Variants in OR2L13 observed in about 807,000 individuals in gnomAD.
The protein encoded by OR2L13 is olfactory receptor family 2 subfamily L member 13, also known as olfactory receptor 2L13.
A neutral mutation model predicts 15.3 loss-of-function variants in OR2L13; 14 were observed. The observed-to-expected ratio is 0.91, with a 90% CI of 0.60 to 1.43. The LOEUF (loss-of-function observed/expected upper bound fraction) is 1.43, where lower values mean the gene tolerates loss of function less well. Among genes scored for constraint, OR2L13 ranks in the 40% most tolerant of loss-of-function variants. The probability of loss-of-function intolerance (pLI) is 0.00; values close to 1 mark genes in which losing one functional copy is unlikely to be tolerated. For missense variants in OR2L13, 367 were observed against 387.9 expected, an observed-to-expected ratio of 0.95 and a Z score of 0.45; for synonymous variants, 152 against 142.9, an observed-to-expected ratio of 1.06 and a Z score of -0.45.
chr1:247,975,207 G>A, the OR2L13 span: 2 of 398,124 alleles, frequency 5.0e-6, no homozygotes, highest in South Asian at 4.2e-5. Context: ...CGACACTTGT[G>A]CTCACATTTC....
the OR2L13 span, among the ~76,000 whole-genome samples, chr1:248,025,289 G>A: frequency 6.8e-6 from 1 of 147,154 alleles, no homozygotes; most frequent in Non-Finnish European, 1.5e-5. Flanking sequence ...GTGGGTGAAG[G>A]ACATGAACAG....
At chr1:248,043,186 G>T in the OR2L13 span, among the ~76,000 whole-genome samples, 1 of 152,048 alleles carries the variant, frequency 6.6e-6, no homozygotes, top group Non-Finnish European at 1.5e-5. Context: ...GTTAAAATCT[G>T]GGATCCAAAA....
chr1:247,979,596 A>G, the OR2L13 span, among the ~76,000 whole-genome samples: 4 of 152,028 alleles, frequency 2.6e-5, no homozygotes, highest in African/African-American at 7.2e-5. Flanking sequence ...AGTCTTTGCT[A>G]TTGTGAATAG....
chr1:248,060,929 AT>A, the OR2L13 span: 14 of 1,613,758 alleles, frequency 8.7e-6, no homozygotes, highest in East Asian at 3.1e-4. Flanking sequence ...ATGGCATCTG[AT>A]TTTCTGTCTG....
the OR2L13 span, chr1:248,063,249 T>G: frequency 1.3e-5 from 2 of 152,274 alleles, no homozygotes; most frequent in African/African-American, 4.8e-5. Flanking sequence ...TGTATTCCTC[T>G]TCATTTTCTT....
upstream of OR2L13, among the ~76,000 whole-genome samples, chr1:248,096,338 A>C (rs1401671852): frequency 1.3e-5 from 2 of 151,680 alleles, no homozygotes; most frequent in African/African-American, 4.8e-5. Context: ...AGCCAAGATC[A>C]GGCCACTGCA....
the OR2L13 span, among the ~76,000 whole-genome samples, chr1:248,089,273 G>T: frequency 6.6e-6 from 1 of 152,126 alleles, no homozygotes; most frequent in Non-Finnish European, 1.5e-5. Flanking sequence ...AGGGTCCCAA[G>T]CACAGGAGCT....
At chr1:248,078,921 G>A in the OR2L13 span, among the ~76,000 whole-genome samples, 22,904 of 152,078 alleles carry the variant, frequency 0.15, 3,291 homozygotes, top group African/African-American at 0.38. Context: ...GTATCTATGC[G>A]ATGAAATTAT....
At chr1:247,990,433 C>A in the OR2L13 span, 3 of 1,583,610 alleles carry the variant, frequency 1.9e-6, no homozygotes, top group Non-Finnish European at 2.6e-6. Context: ...CATCTCCACA[C>A]ACCCATGTAT....
At chr1:248,078,471 CACACACACACACAT>C in the OR2L13 span, among the ~76,000 whole-genome samples, 5 of 151,320 alleles carry the variant, frequency 3.3e-5, no homozygotes, top group East Asian at 1.9e-4. Context: ...GACTCCATCA[CACACACACACACAT>C]ACACACACAC....
At chr1:248,076,704 C>A in the OR2L13 span, among the ~76,000 whole-genome samples, 91 of 152,278 alleles carry the variant, frequency 6.0e-4, no homozygotes, top group African/African-American at 2.0e-3. Context: ...TATCCTGAGA[C>A]TTTGCTGAAG....
chr1:247,945,800 A>G, the OR2L13 span, among the ~76,000 whole-genome samples: 1 of 152,158 alleles, frequency 6.6e-6, no homozygotes, highest in African/African-American at 2.4e-5. Flanking sequence ...CTATTTCGTC[A>G]GAAACTAGGA....
At chr1:248,029,271 ATG>A in the OR2L13 span, 1 of 152,186 alleles carries the variant, frequency 6.6e-6, no homozygotes, top group African/African-American at 2.4e-5. Flanking sequence ...ACATATCATA[ATG>A]TGTCAAATAA....
chr1:248,063,990 G>A, the OR2L13 span, among the ~76,000 whole-genome samples: 1 of 152,158 alleles, frequency 6.6e-6, no homozygotes, highest in East Asian at 1.9e-4. Context: ...GATAACAGCG[G>A]AGCATGAAAC....
the OR2L13 span, among the ~76,000 whole-genome samples, chr1:248,006,446 T>C: frequency 1.3e-5 from 2 of 152,016 alleles, no homozygotes; most frequent in Non-Finnish European, 1.5e-5. Context: ...AAACTTCCAA[T>C]GATAACAGCA....
chr1:248,062,788 G>A, the OR2L13 span: 4 of 152,072 alleles, frequency 2.6e-5, no homozygotes, highest in African/African-American at 4.8e-5. Flanking sequence ...TGGTTACCCC[G>A]ATTAACCCGA....
chr1:248,017,201 G>A, the OR2L13 span, among the ~76,000 whole-genome samples: 24 of 152,204 alleles, frequency 1.6e-4, no homozygotes, highest in African/African-American at 5.8e-4. Flanking sequence ...TTTTAAATGG[G>A]CTTAAAATAT....
chr1:247,970,652 A>G, the OR2L13 span, among the ~76,000 whole-genome samples: 1 of 152,182 alleles, frequency 6.6e-6, no homozygotes, highest in Non-Finnish European at 1.5e-5. Flanking sequence ...AATCTTCACT[A>G]TATTCCAACT....
chr1:248,029,277 C>T, the OR2L13 span: 9 of 151,972 alleles, frequency 5.9e-5, no homozygotes, highest in Non-Finnish European at 8.8e-5. Flanking sequence ...CATAATGTGT[C>T]AAATAATTTA....
Sources: gnomAD v4.1 joint callset for allele counts (sites outside exome capture counted in the v4.1 genomes callset) on GRCh38, gnomAD v4.1.1 for gene constraint, MANE v1.5 for transcripts, NCBI Gene and HGNC (gene_info 2026-07-23, HGNC 2026-07-21) for gene names.